ITGAL: variants seen among roughly 807,000 people sequenced by gnomAD.
ITGAL encodes integrin alpha-L.
A neutral mutation model predicts 138.4 loss-of-function variants in ITGAL; 68 were observed. That is an observed-to-expected ratio of 0.49 (90% CI 0.40 to 0.60). ITGAL has a LOEUF of 0.60. Among genes scored for constraint, ITGAL ranks in the 20% least tolerant of loss-of-function variants. ITGAL has a pLI of 0.00. For missense variants in ITGAL, 1,256 were observed against 1,478.6 expected (o/e 0.85, Z 2.47); for synonymous variants, 561 against 584.3 (o/e 0.96, Z 0.57).
At chr16:30,497,814 GT>G (rs1461504238) in intron 15 of ITGAL, among the ~76,000 whole-genome samples, 2 of 151,186 alleles carry the variant, frequency 1.3e-5, no homozygotes, top group Non-Finnish European at 3.0e-5. Flanking sequence ...AGGTATGGTG[GT>G]GCATGACTGT....
At position 30,518,786 on chromosome 16, in the gene ITGAL, C is replaced by T. The variant is rs1349774378; in HGVS notation, c.3228+67C>T. The T allele has an allele frequency of 2.5e-6, 3 of 1,197,802 alleles. No individual in the cohort carries two copies. In the East Asian group the frequency reaches 7.0e-5, roughly 28 times the overall value. 74.2% of individuals were successfully genotyped at this position (1,197,802 alleles called of 1,614,324 possible). ...GGGAGCCCAGGAGCCCCAGGGCAGA[C>T]CTAGATGTGGGAGAGCTCCTGGGCT... On this transcript the variant is annotated intron_variant, in intron 29 of 30. Transcript: ENST00000356798.
At position 30,510,470 on chromosome 16, in the gene ITGAL, C is replaced by G. The variant is rs780653373; in HGVS notation, c.2618C>G (p.Ser873Trp). 3.8e-6 allele frequency: 6 copies of G among 1,570,646 alleles called. No homozygotes were observed. The highest frequency in any genetic ancestry group is 1.4e-5 in the African/African-American group (1 of 74,030). The change falls in exon 22 of 31, where the codon TCG becomes TGG. Residue 873 changes from serine to tryptophan, a missense_variant and splice_region_variant. Ser to Trp is a radical substitution (Grantham distance 177). Transcript: ENST00000356798. ...TCTCCCATCTTCAAAGCAGGCCACT[C>G]GGTGAGTGCTTCAAGTCTCCAGGGA... The part of the protein sequence containing the change: ...VSSPIFKAGH[S>W]VALQMMFNTL...
intron 11 of ITGAL, among the ~76,000 whole-genome samples, chr16:30,491,040 TGGGA>T (rs1409104326): frequency 6.7e-6 from 1 of 148,520 alleles, no homozygotes; most frequent in Non-Finnish European, 1.5e-5. Flanking sequence ...GAGGCTGAGA[TGGGA>T]GGATCACTTG....
At chr16:30,482,087 C>G (rs772497713) in intron 7 of ITGAL, among the ~76,000 whole-genome samples, 6 of 151,710 alleles carry the variant, frequency 4.0e-5, no homozygotes, top group Non-Finnish European at 8.8e-5. Flanking sequence ...TAGAGATAGG[C>G]TTTCACCATG....
At chr16:30,497,041 T>G (rs2050810672) in intron 15 of ITGAL, among the ~76,000 whole-genome samples, 1 of 151,958 alleles carries the variant, frequency 6.6e-6, no homozygotes, top group South Asian at 2.1e-4. Flanking sequence ...AAACATATAA[T>G]TAAAAATTAG....
chr16:30,490,259 T>C (rs1217390428), intron 11 of ITGAL, among the ~76,000 whole-genome samples: 2 of 148,398 alleles, frequency 1.3e-5, no homozygotes, highest in South Asian at 2.1e-4. Flanking sequence ...GCCTTTTATA[T>C]GCAAACCAGC....
At chr16:30,484,031 G>C in intron 8 of ITGAL, 72 bp downstream of exon 8, 1 of 1,594,538 alleles carries the variant, frequency 6.3e-7, no homozygotes, top group Non-Finnish European at 8.6e-7. Flanking sequence ...CTTTCTCCCT[G>C]GGGCCAGACT....
chr16:30,484,393 G>C (rs1567466982), intron 9 of ITGAL, 130 bp downstream of exon 9: 4 of 818,006 alleles, frequency 4.9e-6, no homozygotes, highest in Admixed American at 2.5e-5. Flanking sequence ...TGGATCAATT[G>C]AGCTCAGGAG....
chr16:30,496,607 C>T, intron 15 of ITGAL, 41 bp downstream of exon 15: 5 of 1,532,674 alleles, frequency 3.3e-6, no homozygotes, highest in Non-Finnish European at 4.4e-6. Context: ...GACCCCAGCT[C>T]TTATCCTGTT....
rs1366251895 is a variant in ITGAL at position 30,506,873 on chromosome 16, C to A, written c.2508+17C>A. 6.2e-7 allele frequency: 1 copy of A among 1,612,840 alleles called. No homozygotes were observed. The highest frequency in any genetic ancestry group is 1.1e-5 in the South Asian group (1 of 91,030). On this transcript the variant is annotated intron_variant, in intron 21 of 30. Transcript: ENST00000356798. ...ATGCTGAAGGTGGGTGAGAGGACAG[C>A]GCCTGCCTGCGGGCATCTGTTCGGC... is the stretch of plus-strand genomic sequence containing the variant.
chr16:30,521,790 C>A lies in ITGAL; in HGVS notation c.*125C>A. The stretch of plus-strand genomic sequence containing the variant: ...ACTGCCTCTCCCTGGCCCTCAGTTT[C>A]CCTATCTCGAACATGGAACTCATTC... On this transcript the variant is annotated 3_prime_UTR_variant, in exon 31 of 31. Transcript: ENST00000356798. 1.1e-6 allele frequency: 1 copy of A among 906,876 alleles called. No individual in the cohort carries two copies. Among genetic ancestry groups the A allele is most frequent in the Non-Finnish European group, 1.6e-6 (1 of 611,828 alleles). 56.2% of individuals were successfully genotyped at this position (906,876 alleles called of 1,614,324 possible). A position where few individuals can be genotyped will look rare whatever the true frequency, so the allele number is the denominator to read the frequency against.
At chr16:30,484,061 A>G (rs2050599670) in intron 8 of ITGAL, 52 bp from the exon 9 acceptor site, 1 of 1,596,936 alleles carries the variant, frequency 6.3e-7, no homozygotes, top group East Asian at 2.2e-5. Flanking sequence ...ATAATAGCAA[A>G]CTGGACTGAG....
rs1211572742 is a variant in ITGAL at position 30,489,250 on chromosome 16, G to T, written c.1081-4G>T. On this transcript the variant is annotated splice_region_variant and splice_polypyrimidine_tract_variant and intron_variant, in intron 10 of 30. Coordinates refer to ENST00000356798, the MANE Select transcript of ITGAL (RefSeq NM_002209.3). ...CTGACCCGCTCATCTCCTTCCCTGG[G>T]CAGGGCCATGCAGTCGTGGGGGCAG... 9 of 1,614,084 alleles carry T rather than the reference G, an allele frequency of 5.6e-6. No individual in the cohort carries two copies. The highest frequency in any genetic ancestry group is 6.8e-6 in the Non-Finnish European group (8 of 1,179,944).
At chr16:30,500,057 ATTAT>A (rs34854709) in intron 17 of ITGAL, among the ~76,000 whole-genome samples, 50,107 of 125,072 alleles carry the variant, frequency 0.4, 10,572 homozygotes, top group South Asian at 0.72. Flanking sequence ...CCTATTTTAT[ATTAT>A]TTATTTATTT....
At chr16:30,502,521 C>T (rs545631956) in intron 17 of ITGAL, among the ~76,000 whole-genome samples, 3 of 150,790 alleles carry the variant, frequency 2.0e-5, no homozygotes, top group South Asian at 2.1e-4. Flanking sequence ...CTGAGGTGGG[C>T]GGATCACTTG....
intron 20 of ITGAL, among the ~76,000 whole-genome samples, chr16:30,506,397 CA>C (rs34457944): frequency 0.5 from 71,610 of 142,672 alleles, 18,148 homozygotes; most frequent in South Asian, 0.77. Flanking sequence ...ACTTAAAATA[CA>C]AAAAAAAAAA....
intron 4 of ITGAL, 86 bp downstream of exon 4, chr16:30,475,666 A>T (rs2050459777): frequency 1.9e-6 from 2 of 1,051,838 alleles, no homozygotes; most frequent in East Asian, 2.4e-5. Context: ...ATGTGGATAA[A>T]AGTTCCCACA....
intron 17 of ITGAL, 169 bp from the exon 18 acceptor site, chr16:30,504,005 TG>T: frequency 1.8e-6 from 1 of 556,810 alleles, no homozygotes; most frequent in South Asian, 2.2e-5. Flanking sequence ...GCCCCCTGGG[TG>T]TGCTGTACAC....
Position 30,517,541 on chromosome 16 carries a change from GA to G in ITGAL, c.2977-107del, listed in dbSNP as rs2051185679. ...GAATTCAGGTCCTGCTGGACTCAGAGATGTCTGAACTCACCCAGGGCCAGGG... is the reference window on the plus strand; with the variant it reads ...GAATTCAGGTCCTGCTGGACTCAGAGTGTCTGAACTCACCCAGGGCCAGGG... On this transcript the variant is annotated intron_variant, in intron 26 of 30. Coordinates refer to ENST00000356798, the MANE Select transcript of ITGAL (RefSeq NM_002209.3). 5 of 854,070 alleles carry G rather than the reference GA, an allele frequency of 5.9e-6. No homozygotes were observed. The Admixed American group carries it at 9.2e-5, about 16-fold the overall frequency. 52.9% of individuals were successfully genotyped at this position (854,070 alleles called of 1,614,324 possible).
Sources: gnomAD v4.1 joint callset for allele counts (sites outside exome capture counted in the v4.1 genomes callset) on GRCh38, gnomAD v4.1.1 for gene constraint, MANE v1.5 for transcripts, NCBI Gene and HGNC (gene_info 2026-07-23, HGNC 2026-07-21) for gene names.